The following CDK15 variants were observed in gnomAD, a reference collection of about 807,000 sequenced individuals.
CDK15 encodes the protein cyclin dependent kinase 15.
In CDK15, 62 loss-of-function variants were observed where a neutral mutation model predicts 60.3. That is an observed-to-expected ratio of 1.03 (90% confidence interval 0.84 to 1.27). The LOEUF (loss-of-function observed/expected upper bound fraction) is 1.27. Among genes scored for constraint, CDK15 ranks in the 50% most tolerant of loss-of-function variants. The pLI is 0.00. For synonymous variants in CDK15, 194 were observed against 195.7 expected, an observed-to-expected ratio of 0.99 and a Z score of 0.07; for missense variants, 541 against 527.8, an observed-to-expected ratio of 1.03 and a Z score of -0.25.
rs1699221375 is a variant in CDK15 at position 201,880,105 on chromosome 2, A to G, written c.1136A>G (p.Gln379Arg). 1.2e-6 allele frequency: 2 copies of G among 1,613,980 alleles called. No homozygotes were observed. The highest frequency in any genetic ancestry group is 1.1e-5 in the South Asian group (1 of 91,088). ...KGFPRDRVSA[Q>R]EALVHDYFSA... ...TTTCCCAGAGACCGCGTCTCCGCCC[A>G]GGAAGCACTTGTTCATGATTATTTC... Residue 379 changes from glutamine (Q) to arginine (R), a missense_variant, in exon 12 of 14, where the codon CAG becomes CGG. Physicochemically the swap from Gln to Arg is conservative, Grantham distance 43 (BLOSUM62 1). Transcript: ENST00000652192.
intron 6 of CDK15, among the ~76,000 whole-genome samples, chr2:201,832,355 A>T (rs929039966): frequency 5.9e-5 from 9 of 152,130 alleles, no homozygotes; most frequent in Admixed American, 5.9e-4. Flanking sequence ...TGAAAAACGT[A>T]TTTTTAAGCA....
intron 3 of CDK15, 52 bp from the exon 4 acceptor site, chr2:201,812,431 G>A (rs1216119251): frequency 1.1e-5 from 13 of 1,175,756 alleles, no homozygotes; most frequent in Non-Finnish European, 1.5e-5. Flanking sequence ...GGTATAAATT[G>A]CTGCTTTGAA....
At chr2:201,835,958 G>T (rs35006572) in intron 8 of CDK15, among the ~76,000 whole-genome samples, 195 bp downstream of exon 8, 24,817 of 105,178 alleles carry the variant, frequency 0.24, 2,752 homozygotes, top group East Asian at 0.45. Flanking sequence ...ATATATATTT[G>T]TATATATTTA....
chr2:201,892,617 G>T (rs981231210), intron 13 of CDK15, among the ~76,000 whole-genome samples: 1 of 152,194 alleles, frequency 6.6e-6, no homozygotes, highest in Non-Finnish European at 1.5e-5. Context: ...ATGTCCCTAG[G>T]CCTTGGTACG....
chr2:201,876,590 G>A, intron 11 of CDK15: 2 of 1,287,942 alleles, frequency 1.6e-6, no homozygotes, highest in Non-Finnish European at 2.0e-6. Context: ...AGAAGGAGAA[G>A]CAAAGTGCAG....
chr2:201,861,294 G>A, intron 10 of CDK15: 2 of 993,498 alleles, frequency 2.0e-6, no homozygotes, highest in South Asian at 9.2e-5. Context: ...CAAGATCGAT[G>A]CTGGGTGGAG....
chr2:201,846,469 G>A (rs185133604), intron 8 of CDK15, among the ~76,000 whole-genome samples: 1 of 149,334 alleles, frequency 6.7e-6, no homozygotes, highest in Non-Finnish European at 1.5e-5. Flanking sequence ...CTCCAGCCTG[G>A]GCGACAGACC....
chr2:201,840,077 T>C (rs938013021), intron 8 of CDK15, among the ~76,000 whole-genome samples: 4 of 151,746 alleles, frequency 2.6e-5, no homozygotes, highest in African/African-American at 9.7e-5. Context: ...CTCCACCTCC[T>C]GGGTTCAAGC....
chr2:201,872,750 T>G (rs1302737024), intron 11 of CDK15, among the ~76,000 whole-genome samples: 1 of 152,156 alleles, frequency 6.6e-6, no homozygotes, highest in East Asian at 1.9e-4. Context: ...GGCAGACTTT[T>G]ATTACCAGCT....
intron 9 of CDK15, among the ~76,000 whole-genome samples, chr2:201,848,748 G>A (rs1697778761): frequency 6.6e-6 from 1 of 152,116 alleles, no homozygotes; most frequent in South Asian, 2.1e-4. Context: ...CGGGGTGCAG[G>A]GGGGTACTTT....
chr2:201,810,519 A>G (rs1339736457), intron 3 of CDK15, among the ~76,000 whole-genome samples: 1 of 152,216 alleles, frequency 6.6e-6, no homozygotes, highest in African/African-American at 2.4e-5. Context: ...ATTATAACCC[A>G]AAGTATAAAA....
chr2:201,833,898 C>G lies in CDK15; in HGVS notation c.657C>G (p.His219Gln), dbSNP rs142697496. The change falls in exon 7 of 14, where the codon CAC becomes CAG. Residue 219 changes from histidine (H) to glutamine (Q), a missense_variant. Transcript: ENST00000652192. Reference protein sequence around the residue: ...LRGLAYIHHQHVLHRDLKPQN... With the variant: ...LRGLAYIHHQQVLHRDLKPQN... ...GCCTGGCGTACATCCACCACCAACA[C>G]GTTCTTCACAGGGACCTGAAACCTC... 6.2e-7 allele frequency: 1 copy of G among 1,613,996 alleles called. No individual in the cohort carries two copies. The highest frequency in any genetic ancestry group is 1.1e-5 in the South Asian group (1 of 91,062).
chr2:201,872,727 C>T (rs887539455), intron 11 of CDK15, among the ~76,000 whole-genome samples: 2 of 152,130 alleles, frequency 1.3e-5, no homozygotes, highest in African/African-American at 2.4e-5. Context: ...TACGCAGTCT[C>T]GGCTCAGACC....
chr2:201,810,090 G>A (rs1050441615), intron 3 of CDK15, among the ~76,000 whole-genome samples: 1 of 150,916 alleles, frequency 6.6e-6, no homozygotes, highest in South Asian at 2.1e-4. Flanking sequence ...AAACATATTT[G>A]CCAAAAAACT....
intron 10 of CDK15, among the ~76,000 whole-genome samples, chr2:201,868,698 AC>A (rs557173619): frequency 6.9e-4 from 103 of 149,282 alleles, no homozygotes; most frequent in African/African-American, 2.4e-3. Flanking sequence ...AAAAAAAAAA[AC>A]CATCAAAAAG....
intron 11 of CDK15, chr2:201,876,498 G>GAGAC: frequency 1.0e-6 from 1 of 978,836 alleles, no homozygotes; most frequent in Non-Finnish European, 1.4e-6. Context: ...TTGTACAGGG[G>GAGAC]AGACCGACAC....
intron 8 of CDK15, among the ~76,000 whole-genome samples, chr2:201,841,565 A>C (rs1373409045): frequency 6.6e-6 from 1 of 152,230 alleles, no homozygotes; most frequent in Non-Finnish European, 1.5e-5. Flanking sequence ...GTTGACAAAG[A>C]ATGAAAAAGA....
At chr2:201,888,884 T>C in intron 12 of CDK15, 2 of 1,039,016 alleles carry the variant, frequency 1.9e-6, no homozygotes, top group Non-Finnish European at 2.3e-6. Flanking sequence ...TTGAGAATAA[T>C]TGGTAAAGTA....
At chr2:201,855,824 CT>C (rs570053529) in intron 10 of CDK15, among the ~76,000 whole-genome samples, 4,861 of 133,948 alleles carry the variant, frequency 0.036, 72 homozygotes, top group Non-Finnish European at 0.056. Flanking sequence ...GTTGTCCTTA[CT>C]TTTTTTTTTT....
Sources: gnomAD v4.1 joint callset for allele counts (sites outside exome capture counted in the v4.1 genomes callset) on GRCh38, gnomAD v4.1.1 for gene constraint, MANE v1.5 for transcripts, NCBI Gene and HGNC (gene_info 2026-07-23, HGNC 2026-07-21) for gene names.